The following LUZP2 variants were observed in gnomAD, a reference collection of about 807,000 sequenced individuals.
The protein encoded by LUZP2 is leucine zipper protein 2.
In LUZP2, 52 loss-of-function variants were observed where a neutral mutation model predicts 51.6. That is an observed-to-expected ratio of 1.01 (90% confidence interval 0.81 to 1.27). LUZP2 has a LOEUF of 1.27. LUZP2 is among the 50% of genes most tolerant of loss of function. LUZP2 has a pLI of 0.00. For synonymous variants in LUZP2, 154 were observed against 137.3 expected (o/e 1.12, Z -0.85); for missense variants, 436 against 395.4 (o/e 1.10, Z -0.87).
intron 9 of LUZP2, among the ~76,000 whole-genome samples, chr11:25,027,888 G>GAAAA: frequency 1.0e-5 from 1 of 99,448 alleles, no homozygotes; most frequent in Non-Finnish European, 2.1e-5. Flanking sequence ...AAAAAAAGGT[G>GAAAA]TTTAGATTTA....
intron 1 of LUZP2, among the ~76,000 whole-genome samples, chr11:24,560,290 CAATAA>C (rs1851996675): frequency 6.6e-6 from 1 of 152,032 alleles, no homozygotes; most frequent in African/African-American, 2.4e-5. Context: ...AGAAATGATC[CAATAA>C]AATAAGCAAA....
At chr11:24,692,362 CA>C (rs1565080118) in intron 1 of LUZP2, among the ~76,000 whole-genome samples, 1 of 151,970 alleles carries the variant, frequency 6.6e-6, no homozygotes, top group Non-Finnish European at 1.5e-5. Flanking sequence ...AAATAAGTCA[CA>C]AGCAGGTGAT....
At chr11:24,636,850 T>C (rs184191256) in intron 1 of LUZP2, among the ~76,000 whole-genome samples, 31 of 152,012 alleles carry the variant, frequency 2.0e-4, no homozygotes, top group African/African-American at 7.5e-4. Flanking sequence ...CATGAGGTAA[T>C]ATGAAAGAAC....
chr11:24,734,142 T>C (rs1445656212), intron 3 of LUZP2, among the ~76,000 whole-genome samples: 2 of 151,744 alleles, frequency 1.3e-5, no homozygotes, highest in Admixed American at 6.6e-5. Context: ...AAGAAAAATG[T>C]AGACCAGGGT....
intron 6 of LUZP2, among the ~76,000 whole-genome samples, chr11:24,907,299 CAA>C (rs71044324): frequency 1.3e-4 from 13 of 103,780 alleles, no homozygotes; most frequent in African/African-American, 3.4e-4. Flanking sequence ...AACACAAATA[CAA>C]AAAAAAAAAA....
intron 5 of LUZP2, among the ~76,000 whole-genome samples, chr11:24,792,341 C>A (rs923050867): frequency 1.4e-4 from 21 of 151,730 alleles, no homozygotes; most frequent in African/African-American, 5.1e-4. Flanking sequence ...GCAGGGGAAT[C>A]TCTTGAACCT....
At chr11:24,734,550 T>G (rs1433324683) in intron 3 of LUZP2, among the ~76,000 whole-genome samples, 1 of 151,898 alleles carries the variant, frequency 6.6e-6, no homozygotes, top group Non-Finnish European at 1.5e-5. Context: ...ATGCATAACT[T>G]GTATTATATA....
At chr11:24,899,695 GAGAA>G (rs1262797726) in intron 5 of LUZP2, among the ~76,000 whole-genome samples, 1 of 152,036 alleles carries the variant, frequency 6.6e-6, no homozygotes, top group Non-Finnish European at 1.5e-5. Flanking sequence ...AATTACCAGA[GAGAA>G]AGAGAGGCAT....
chr11:24,600,818 A>G (rs1853608130), intron 1 of LUZP2, among the ~76,000 whole-genome samples: 1 of 152,144 alleles, frequency 6.6e-6, no homozygotes, highest in South Asian at 2.1e-4. Context: ...GCTGTTTAAA[A>G]AGAAGGTAGA....
intron 1 of LUZP2, among the ~76,000 whole-genome samples, chr11:24,499,236 T>C (rs1368666378): frequency 6.6e-6 from 1 of 152,216 alleles, no homozygotes. Flanking sequence ...TTATAATAAG[T>C]AGCATATCTT....
chr11:24,719,164 T>A (rs1858167843), intron 1 of LUZP2, among the ~76,000 whole-genome samples: 1 of 152,100 alleles, frequency 6.6e-6, no homozygotes, highest in Non-Finnish European at 1.5e-5. Context: ...AAGTATAATT[T>A]GAATTAAATG....
chr11:24,924,566 T>G (rs539117220), intron 7 of LUZP2, among the ~76,000 whole-genome samples: 2 of 152,276 alleles, frequency 1.3e-5, no homozygotes, highest in South Asian at 4.1e-4. Context: ...AATCAAAAAG[T>G]ATATGAGACT....
intron 1 of LUZP2, among the ~76,000 whole-genome samples, chr11:24,698,742 C>T (rs1290018625): frequency 1.3e-5 from 2 of 152,064 alleles, no homozygotes; most frequent in Admixed American, 6.6e-5. Flanking sequence ...CCAGCTTCAT[C>T]CTCAACATCA....
chr11:24,812,774 T>C (rs1850058216), intron 5 of LUZP2, among the ~76,000 whole-genome samples: 1 of 152,160 alleles, frequency 6.6e-6, no homozygotes, highest in South Asian at 2.1e-4. Flanking sequence ...TATTGTTGCC[T>C]AACCAAGGAA....
chr11:24,501,774 A>G (rs1345496082), intron 1 of LUZP2, among the ~76,000 whole-genome samples: 1 of 152,194 alleles, frequency 6.6e-6, no homozygotes, highest in Non-Finnish European at 1.5e-5. Context: ...TTAGTTATGT[A>G]TATCCATAAT....
At chr11:24,589,100 G>C (rs1457122609) in intron 1 of LUZP2, among the ~76,000 whole-genome samples, 2 of 152,050 alleles carry the variant, frequency 1.3e-5, no homozygotes, top group African/African-American at 4.8e-5. Context: ...CAATCTCAGA[G>C]CTCACAATGT....
At chr11:24,704,633 CT>C (rs1315202646) in intron 1 of LUZP2, among the ~76,000 whole-genome samples, 5 of 151,716 alleles carry the variant, frequency 3.3e-5, no homozygotes, top group African/African-American at 1.2e-4. Flanking sequence ...TATGAGAGAA[CT>C]TAAATAAGTG....
chr11:24,924,884 G>T (rs1854180900), intron 7 of LUZP2, among the ~76,000 whole-genome samples: 1 of 152,114 alleles, frequency 6.6e-6, no homozygotes, highest in South Asian at 2.1e-4. Flanking sequence ...ATAAGGGTTT[G>T]TGGATACTAA....
intron 9 of LUZP2, among the ~76,000 whole-genome samples, chr11:24,991,120 T>C (rs559093779): frequency 6.6e-6 from 1 of 151,900 alleles, no homozygotes; most frequent in Non-Finnish European, 1.5e-5. Flanking sequence ...CTTTACCTGC[T>C]TCCTACCTTT....
Sources: gnomAD v4.1 joint callset for allele counts (sites outside exome capture counted in the v4.1 genomes callset) on GRCh38, gnomAD v4.1.1 for gene constraint, MANE v1.5 for transcripts, NCBI Gene and HGNC (gene_info 2026-07-23, HGNC 2026-07-21) for gene names.